The following SPATA6 variants were observed in gnomAD, a reference collection of about 807,000 sequenced individuals.
SPATA6 encodes spermatogenesis associated 6, also known as spermatogenesis-associated protein 6.
SPATA6 carries 56 observed loss-of-function variants against 65.3 expected under a neutral mutation model. The observed-to-expected ratio is 0.86, with a 90% CI of 0.69 to 1.07. The LOEUF is 1.07. SPATA6 is among the 50% of genes least tolerant of loss of function. SPATA6 has a pLI of 0.00. For synonymous variants in SPATA6, 199 were observed against 213.2 expected, an observed-to-expected ratio of 0.93 and a Z score of 0.58; for missense variants, 590 against 594.8, an observed-to-expected ratio of 0.99 and a Z score of 0.08.
the SPATA6 span, among the ~76,000 whole-genome samples, chr1:48,271,408 A>G: frequency 6.6e-6 from 1 of 152,170 alleles, no homozygotes; most frequent in Admixed American, 6.5e-5. Flanking sequence ...TTTCTTCTTG[A>G]GTACTGTGGG....
chr1:48,435,540 C>T (rs1654835002), intron 3 of SPATA6, among the ~76,000 whole-genome samples: 1 of 152,030 alleles, frequency 6.6e-6, no homozygotes, highest in African/African-American at 2.4e-5. Context: ...ATTGTAAACA[C>T]ACCAATCAGC....
intron 9 of SPATA6, among the ~76,000 whole-genome samples, chr1:48,377,951 G>T (rs904509242): frequency 1.3e-5 from 2 of 152,132 alleles, no homozygotes; most frequent in African/African-American, 4.8e-5. Context: ...TTAAGAAACA[G>T]ATTTGGCTTC....
At chr1:48,465,127 CAAG>C (rs1275588207) in intron 1 of SPATA6, among the ~76,000 whole-genome samples, 1 of 151,868 alleles carries the variant, frequency 6.6e-6, no homozygotes, top group Non-Finnish European at 1.5e-5. Flanking sequence ...ATATATTTAA[CAAG>C]AAGAAGAAAA....
chr1:48,263,601 T>G, the SPATA6 span, among the ~76,000 whole-genome samples: 1 of 152,276 alleles, frequency 6.6e-6, no homozygotes, highest in East Asian at 1.9e-4. Context: ...CCTATTGCAA[T>G]TCGACCTGTC....
intron 12 of SPATA6, among the ~76,000 whole-genome samples, chr1:48,299,516 GAAAAAAA>G (rs58072004): frequency 1.6e-4 from 6 of 38,202 alleles, no homozygotes; most frequent in East Asian, 9.2e-4. Flanking sequence ...CTCCGTCTCG[GAAAAAAA>G]AAAAAAAAAA....
intron 3 of SPATA6, among the ~76,000 whole-genome samples, chr1:48,418,388 T>A (rs1652979671): frequency 6.6e-6 from 1 of 151,784 alleles, no homozygotes; most frequent in African/African-American, 2.4e-5. Context: ...AGAAAATATC[T>A]GAGCATACAA....
the SPATA6 span, among the ~76,000 whole-genome samples, chr1:48,265,071 C>A: frequency 6.6e-6 from 1 of 152,152 alleles, no homozygotes; most frequent in African/African-American, 2.4e-5. Flanking sequence ...AGATGAAAGG[C>A]TGAATCCTTC....
At chr1:48,460,590 G>C (rs1657354248) in intron 1 of SPATA6, among the ~76,000 whole-genome samples, 2 of 151,052 alleles carry the variant, frequency 1.3e-5, no homozygotes, top group Admixed American at 1.3e-4. Context: ...AAAGATATTT[G>C]GAAATGAAAG....
At chr1:48,397,121 GTATAAT>G (rs1650670105) in intron 7 of SPATA6, among the ~76,000 whole-genome samples, 1 of 151,546 alleles carries the variant, frequency 6.6e-6, no homozygotes, top group Non-Finnish European at 1.5e-5. Flanking sequence ...GCCAAATGTT[GTATAAT>G]TATATTTATA....
At chr1:48,442,718 A>T (rs913862358) in intron 3 of SPATA6, among the ~76,000 whole-genome samples, 22 of 12,962 alleles carry the variant, frequency 1.7e-3, no homozygotes, top group Admixed American at 4.3e-3. Flanking sequence ...TGGAAGTAGT[A>T]AAAAAAAAAA....
intron 11 of SPATA6, among the ~76,000 whole-genome samples, chr1:48,324,035 G>A (rs1645682145): frequency 1.3e-5 from 2 of 151,868 alleles, no homozygotes; most frequent in African/African-American, 4.8e-5. Flanking sequence ...CTGCAGCCTC[G>A]ACTGCCAGGG....
chr1:48,273,709 A>G, the SPATA6 span, among the ~76,000 whole-genome samples: 1 of 152,138 alleles, frequency 6.6e-6, no homozygotes, highest in Admixed American at 6.5e-5. Context: ...TCCATGGTGT[A>G]TATGTGCCAC....
chr1:48,385,720 G>A (rs1216319069), intron 8 of SPATA6, among the ~76,000 whole-genome samples: 2 of 152,070 alleles, frequency 1.3e-5, no homozygotes, highest in Non-Finnish European at 2.9e-5. Flanking sequence ...CAAACTATAT[G>A]TTTCCTATTC....
At chr1:48,416,512 C>T (rs1652802742) in intron 3 of SPATA6, among the ~76,000 whole-genome samples, 1 of 152,004 alleles carries the variant, frequency 6.6e-6, no homozygotes, top group African/African-American at 2.4e-5. Context: ...TATATGTACA[C>T]ACAAATACAC....
At chr1:48,334,037 G>A (rs1645990719) in intron 11 of SPATA6, among the ~76,000 whole-genome samples, 1 of 152,072 alleles carries the variant, frequency 6.6e-6, no homozygotes, top group South Asian at 2.1e-4. Flanking sequence ...TAGAAGAAAT[G>A]GATAAATTCC....
At chr1:48,431,493 G>A (rs537772273) in intron 3 of SPATA6, among the ~76,000 whole-genome samples, 62 of 152,078 alleles carry the variant, frequency 4.1e-4, no homozygotes, top group African/African-American at 1.4e-3. Context: ...GTATATATGG[G>A]GTATATATGG....
intron 3 of SPATA6, among the ~76,000 whole-genome samples, chr1:48,420,888 A>G (rs1653261808): frequency 6.6e-6 from 1 of 152,234 alleles, no homozygotes; most frequent in South Asian, 2.1e-4. Context: ...ATTTGCAATA[A>G]CATGCATAAA....
chr1:48,459,354 A>G (rs750676653), intron 1 of SPATA6, among the ~76,000 whole-genome samples: 6 of 152,170 alleles, frequency 3.9e-5, no homozygotes, highest in Non-Finnish European at 7.4e-5. Flanking sequence ...TTAATATGAC[A>G]TAAAGTAGAC....
chr1:48,406,018 A>G (rs1651671278), intron 5 of SPATA6, among the ~76,000 whole-genome samples: 1 of 152,042 alleles, frequency 6.6e-6, no homozygotes, highest in Non-Finnish European at 1.5e-5. Flanking sequence ...CCTTATGTAC[A>G]GCTCCTAAAA....
Sources: allele counts gnomAD v4.1 joint callset (sites outside exome capture counted in the v4.1 genomes callset), GRCh38; gene constraint gnomAD v4.1.1; transcripts MANE v1.5; gene names NCBI Gene and HGNC (gene_info 2026-07-23, HGNC 2026-07-21).